Variants in SYNPO2 observed in about 807,000 individuals in gnomAD.
SYNPO2 encodes the protein synaptopodin-2.
In SYNPO2, 56 loss-of-function variants were observed where a neutral mutation model predicts 85.0. That is an observed-to-expected ratio of 0.66 (90% CI 0.53 to 0.82). The LOEUF (loss-of-function observed/expected upper bound fraction) is 0.82, where lower values mean the gene tolerates loss of function less well. SYNPO2 is among the 40% of genes least tolerant of loss of function. The pLI, the probability that SYNPO2 is intolerant of heterozygous loss-of-function variation, is 0.00. For synonymous variants in SYNPO2, 602 were observed against 591.1 expected (o/e 1.02, Z -0.27); for missense variants, 1,575 against 1,534.2 (o/e 1.03, Z -0.44).
chr4:118,879,487 G>T (rs1732026298), intron 1 of SYNPO2, among the ~76,000 whole-genome samples: 1 of 152,194 alleles, frequency 6.6e-6, no homozygotes, highest in Admixed American at 6.5e-5. Flanking sequence ...ACACAAGAGA[G>T]ATGATCTTTC....
intron 1 of SYNPO2, among the ~76,000 whole-genome samples, chr4:118,967,027 G>A (rs1735340549): frequency 6.6e-6 from 1 of 152,046 alleles, no homozygotes; most frequent in East Asian, 1.9e-4. Flanking sequence ...GAGCATAATG[G>A]ATATGTTCCA....
intron 1 of SYNPO2, among the ~76,000 whole-genome samples, chr4:118,990,636 T>G (rs1450456445): frequency 6.6e-6 from 1 of 151,010 alleles, no homozygotes; most frequent in Non-Finnish European, 1.5e-5. Context: ...TGAGACAGAA[T>G]CTCGCTCGGT....
At chr4:118,905,268 T>C (rs1023691678) in intron 1 of SYNPO2, among the ~76,000 whole-genome samples, 10 of 152,226 alleles carry the variant, frequency 6.6e-5, no homozygotes, top group Non-Finnish European at 1.2e-4. Flanking sequence ...TTATTTGAGC[T>C]GGAAAATTCC....
intron 1 of SYNPO2, among the ~76,000 whole-genome samples, chr4:118,900,748 T>G (rs1732724264): frequency 7.4e-6 from 1 of 135,456 alleles, no homozygotes; most frequent in African/African-American, 3.0e-5. Context: ...TCTGTCTATC[T>G]ATCTATCTAT....
intron 1 of SYNPO2, among the ~76,000 whole-genome samples, chr4:118,991,394 C>T (rs375052027): frequency 3.7e-4 from 57 of 152,058 alleles, no homozygotes; most frequent in Non-Finnish European, 5.1e-4. Context: ...GTGATCCACC[C>T]GCCTCAGCCT....
intron 1 of SYNPO2, among the ~76,000 whole-genome samples, chr4:118,906,122 G>T (rs1732928692): frequency 6.6e-6 from 1 of 152,130 alleles, no homozygotes; most frequent in Non-Finnish European, 1.5e-5. Flanking sequence ...TTGAAAGGTT[G>T]TTGAATAAAT....
intron 1 of SYNPO2, among the ~76,000 whole-genome samples, chr4:118,896,537 G>A (rs1732555339): frequency 6.6e-6 from 1 of 152,168 alleles, no homozygotes; most frequent in African/African-American, 2.4e-5. Flanking sequence ...AGAAAATAAT[G>A]TCTGCTCTTT....
intron 1 of SYNPO2, among the ~76,000 whole-genome samples, chr4:118,853,659 C>T (rs187417742): frequency 3.9e-5 from 6 of 152,236 alleles, no homozygotes; most frequent in Admixed American, 3.3e-4. Flanking sequence ...CATTTGGACT[C>T]AAGTGGCTAG....
intron 1 of SYNPO2, among the ~76,000 whole-genome samples, chr4:118,874,435 A>G (rs1731863826): frequency 6.6e-6 from 1 of 152,214 alleles, no homozygotes; most frequent in Non-Finnish European, 1.5e-5. Flanking sequence ...TAAAAGGCAA[A>G]ATTCTCTCCT....
rs1737965099 is a variant in SYNPO2, at chr4:119,026,756, A to G, written c.387A>G (p.Thr129=). 1.2e-6 allele frequency: 2 copies of G among 1,614,098 alleles called. No individual in the cohort carries two copies. The highest frequency in any genetic ancestry group is 1.3e-5 in the African/African-American group (1 of 74,934). Reference sequence around the variant, plus strand: ...GACCGGCCACAAAGACCCAGTGCACAGAATTCTTCCTCGCCCCTGTCAAGA... The same window carrying G: ...GACCGGCCACAAAGACCCAGTGCACGGAATTCTTCCTCGCCCCTGTCAAGA... The part of the protein sequence containing the change: ...QIRPATKTQC[T]EFFLAPVKTE... The change falls in exon 3 of 5, where the codon ACA becomes ACG. Residue 129 remains threonine, a synonymous_variant. Transcript: ENST00000307142.
intron 4 of SYNPO2, chr4:119,032,417 A>G: frequency 1.8e-6 from 2 of 1,129,834 alleles, no homozygotes; most frequent in Non-Finnish European, 2.2e-6. Flanking sequence ...CTGTCCTCCT[A>G]TGGTGAAAGG....
chr4:119,038,412 C>A (rs1430694317), intron 4 of SYNPO2: 1 of 984,688 alleles, frequency 1.0e-6, no homozygotes, highest in East Asian at 1.1e-4. Context: ...TGTGACTTCT[C>A]AAAATTCTTT....
chr4:118,926,653 A>T (rs973427241), intron 1 of SYNPO2, among the ~76,000 whole-genome samples: 9 of 152,194 alleles, frequency 5.9e-5, no homozygotes, highest in African/African-American at 1.9e-4. Flanking sequence ...TTGGTCTCTG[A>T]ACTTTTTATC....
chr4:118,886,993 C>T (rs933192717), upstream of SYNPO2, among the ~76,000 whole-genome samples: 4 of 152,088 alleles, frequency 2.6e-5, no homozygotes, highest in African/African-American at 9.7e-5. Context: ...TGTTTCATGA[C>T]AACATTGATG....
intron 1 of SYNPO2, chr4:119,006,468 A>T (rs1227675055): frequency 2.0e-5 from 3 of 152,214 alleles, no homozygotes; most frequent in Admixed American, 6.5e-5. Context: ...AAATTATGTG[A>T]CTATCAAGTT....
At chr4:119,038,982 G>A (rs558223441) in intron 4 of SYNPO2, among the ~76,000 whole-genome samples, 26 of 151,726 alleles carry the variant, frequency 1.7e-4, no homozygotes, top group Non-Finnish European at 2.8e-4. Context: ...ACATGGGTTT[G>A]GAACAGTCCC....
chr4:118,887,337 G>A (rs1411241930), upstream of SYNPO2, among the ~76,000 whole-genome samples: 2 of 152,056 alleles, frequency 1.3e-5, no homozygotes, highest in Non-Finnish European at 2.9e-5. Context: ...ATGTATGGAT[G>A]CAAATTATTT....
intron 1 of SYNPO2, among the ~76,000 whole-genome samples, chr4:118,916,997 A>T (rs1474486064): frequency 2.6e-5 from 4 of 151,626 alleles, no homozygotes; most frequent in Non-Finnish European, 5.9e-5. Context: ...AGCCTCTCAA[A>T]GTGTTGGGAT....
chr4:118,891,981 A>G (rs1436540410), intron 1 of SYNPO2, among the ~76,000 whole-genome samples: 1 of 152,194 alleles, frequency 6.6e-6, no homozygotes, highest in African/African-American at 2.4e-5. Context: ...ATAATTCTAT[A>G]TAGAGTAAAA....
Sources: allele counts gnomAD v4.1 joint callset (sites outside exome capture counted in the v4.1 genomes callset), GRCh38; gene constraint gnomAD v4.1.1; transcripts MANE v1.5; gene names NCBI Gene and HGNC (gene_info 2026-07-23, HGNC 2026-07-21).